Variants in EHBP1 observed in about 807,000 individuals in gnomAD.
The protein encoded by EHBP1 is EH domain binding protein 1, also known as EH domain-binding protein 1.
Under a neutral mutation model 144.0 loss-of-function variants are expected in EHBP1, and 55 were observed. The ratio of observed to expected loss-of-function variants is 0.38; its 90% CI spans 0.31 to 0.48. The LOEUF is 0.48. Ranked by LOEUF, EHBP1 falls within the 20% of genes least tolerant of loss-of-function variation. The pLI, the probability that EHBP1 is intolerant of heterozygous loss-of-function variation, is 0.98. For synonymous variants in EHBP1, 469 were observed against 472.7 expected, an observed-to-expected ratio of 0.99 and a Z score of 0.10; for missense variants, 1,200 against 1,364.2, an observed-to-expected ratio of 0.88 and a Z score of 1.90.
chr2:62,677,498 T>C (rs1401559917), intron 1 of EHBP1, among the ~76,000 whole-genome samples: 1 of 152,166 alleles, frequency 6.6e-6, no homozygotes, highest in African/African-American at 2.4e-5. Context: ...TTACAAACAA[T>C]CCAATTATAC....
At chr2:62,760,125 C>A (rs1350049712) in intron 3 of EHBP1, among the ~76,000 whole-genome samples, 1 of 152,008 alleles carries the variant, frequency 6.6e-6, no homozygotes, top group Non-Finnish European at 1.5e-5. Context: ...ATCTTGTGCA[C>A]ACTGATTTTG....
intron 7 of EHBP1, among the ~76,000 whole-genome samples, chr2:62,846,574 T>C (rs1037828411): frequency 7.2e-5 from 11 of 152,172 alleles, no homozygotes; most frequent in African/African-American, 2.4e-4. Flanking sequence ...TCCCCTAAGA[T>C]TGGGAACAAG....
intron 19 of EHBP1, among the ~76,000 whole-genome samples, chr2:63,032,194 CTGTACATTG>C (rs1325266024): frequency 6.6e-6 from 1 of 151,138 alleles, no homozygotes; most frequent in Non-Finnish European, 1.5e-5. Context: ...TGTAACAAAC[CTGTACATTG>C]TGCACATGTA....
At chr2:62,813,359 T>C (rs567724717) in intron 5 of EHBP1, among the ~76,000 whole-genome samples, 1 of 152,222 alleles carries the variant, frequency 6.6e-6, no homozygotes, top group East Asian at 1.9e-4. Flanking sequence ...TTTCAAGGGA[T>C]GTCATGGATA....
chr2:62,750,856 T>C (rs761131813), intron 3 of EHBP1, among the ~76,000 whole-genome samples: 1 of 152,362 alleles, frequency 6.6e-6, no homozygotes, highest in East Asian at 1.9e-4. Context: ...TTTGCTGAAG[T>C]TGCTTATTAG....
intron 5 of EHBP1, among the ~76,000 whole-genome samples, chr2:62,778,114 G>C (rs2042169710): frequency 6.6e-6 from 1 of 152,132 alleles, no homozygotes; most frequent in Non-Finnish European, 1.5e-5. Context: ...CACTATTTCT[G>C]ACTGTGACCC....
In EHBP1 at chr2:62,925,977, G is replaced by A. The variant is rs565065707; in HGVS notation, c.1186-16741G>A. The stretch of plus-strand genomic sequence containing the variant: ...ATGAGCAAAAATAACCAAGCTGGAC[G>A]TATAACACTACCAGACCTCAAAGTG... On this transcript the variant is annotated intron_variant, in intron 10 of 22. Coordinates refer to ENST00000431489, the MANE Select transcript of EHBP1 (RefSeq NM_001142616.3). Among the ~76,000 whole-genome samples, 10 of 152,202 alleles carry A rather than the reference G, an allele frequency of 6.6e-5. No individual in the cohort carries two copies. The East Asian group carries it at 1.2e-3, about 18-fold the overall frequency.
At chr2:62,973,093 T>C (rs2058567197) in intron 14 of EHBP1, among the ~76,000 whole-genome samples, 1 of 152,210 alleles carries the variant, frequency 6.6e-6, no homozygotes, top group Admixed American at 6.5e-5. Context: ...AATTGCACTC[T>C]TGGTAAGCTC....
intron 14 of EHBP1, among the ~76,000 whole-genome samples, chr2:62,978,981 T>G (rs1010445898): frequency 1.3e-5 from 2 of 152,222 alleles, no homozygotes; most frequent in African/African-American, 2.4e-5. Context: ...AATGGACATT[T>G]TAATACAATA....
At chr2:62,973,321 A>G (rs1037563351) in intron 14 of EHBP1, among the ~76,000 whole-genome samples, 1 of 152,350 alleles carries the variant, frequency 6.6e-6, no homozygotes. Context: ...TAGTTGCCTG[A>G]GGCATATTAA....
At chr2:62,781,401 G>A (rs1471006099) in intron 5 of EHBP1, among the ~76,000 whole-genome samples, 5 of 151,966 alleles carry the variant, frequency 3.3e-5, no homozygotes, top group Non-Finnish European at 7.4e-5. Flanking sequence ...GCTATTCGTG[G>A]TATTTATTCC....
chr2:62,678,881 T>C (rs1174254411), intron 1 of EHBP1, among the ~76,000 whole-genome samples: 19 of 152,180 alleles, frequency 1.2e-4, no homozygotes. Flanking sequence ...ACTCAGAATT[T>C]TTTCATATCC....
At chr2:62,975,598 G>T (rs1198376722) in intron 14 of EHBP1, among the ~76,000 whole-genome samples, 2 of 152,050 alleles carry the variant, frequency 1.3e-5, no homozygotes, top group East Asian at 3.8e-4. Context: ...ATTATTAAAT[G>T]ATATTTTATA....
Position 63,045,529 on chromosome 2 carries a change from C to A in EHBP1, c.*29C>A. On this transcript the variant is annotated 3_prime_UTR_variant, in exon 23 of 23. Transcript: ENST00000431489. This position sits in a 1 kb window ranked among gnomAD's most constrained non-coding sequence, Gnocchi z 5.7. ...TCAGATCAGAAAGAATCTCTCCCAA[C>A]ATTTTAGAGTCTTGCTTCCCAAACC... The A allele has an allele frequency of 6.4e-7, 1 of 1,552,744 alleles. No individual in the cohort carries two copies. Among genetic ancestry groups the A allele is most frequent in the South Asian group, 1.1e-5 (1 of 87,880 alleles).
chr2:62,769,737 G>A (rs952228787), intron 4 of EHBP1, among the ~76,000 whole-genome samples: 4 of 149,000 alleles, frequency 2.7e-5, no homozygotes, highest in African/African-American at 9.9e-5. Flanking sequence ...GAAGCATCAT[G>A]CTACCTGACT....
chr2:62,809,546 G>A (rs1367395484), intron 5 of EHBP1, among the ~76,000 whole-genome samples: 3 of 152,082 alleles, frequency 2.0e-5, no homozygotes, highest in Admixed American at 1.3e-4. Flanking sequence ...TACATGTGCA[G>A]GTTTGTTGCA....
chr2:62,969,071 GAATTA>G (rs1184229754), intron 14 of EHBP1, among the ~76,000 whole-genome samples: 1 of 128,834 alleles, frequency 7.8e-6, no homozygotes, highest in Non-Finnish European at 1.7e-5. Flanking sequence ...AAGAAAAGAG[GAATTA>G]AATTATCAAA....
intron 2 of EHBP1, among the ~76,000 whole-genome samples, chr2:62,741,086 C>A (rs2038663697): frequency 6.6e-6 from 1 of 152,122 alleles, no homozygotes; most frequent in Admixed American, 6.6e-5. Context: ...TGTGGTCACT[C>A]AGGGGCCCAG....
chr2:62,793,500 T>TG (rs1205636404), intron 5 of EHBP1, among the ~76,000 whole-genome samples: 19 of 152,056 alleles, frequency 1.2e-4, no homozygotes. Context: ...GGTTCAGCGT[T>TG]GAGTTTGGAA....
Sources: gnomAD v4.1 joint callset for allele counts (sites outside exome capture counted in the v4.1 genomes callset) on GRCh38, gnomAD v4.1.1 for gene constraint, Gnocchi (gnomAD v3.1) non-coding constraint, MANE v1.5 for transcripts, NCBI Gene and HGNC (gene_info 2026-07-23, HGNC 2026-07-21) for gene names.